The following AHCTF1 variants were observed in gnomAD, a reference collection of about 807,000 sequenced individuals.
AHCTF1 encodes the protein protein ELYS.
A neutral mutation model predicts 248.4 loss-of-function variants in AHCTF1; 24 were observed. The observed-to-expected ratio is 0.10, with a 90% confidence interval of 0.07 to 0.14. The LOEUF is 0.14. Among genes scored for constraint, AHCTF1 ranks in the 10% least tolerant of loss-of-function variants. The pLI is 1.00. For missense variants in AHCTF1, 2,206 were observed against 2,636.2 expected (o/e 0.84, Z 3.57); for synonymous variants, 786 against 929.8 (o/e 0.85, Z 2.81).
intron 1 of AHCTF1, among the ~76,000 whole-genome samples, chr1:246,922,967 A>G (rs1475586049): frequency 1.7e-4 from 21 of 125,742 alleles, no homozygotes; most frequent in South Asian, 8.0e-4. Context: ...TGGGCGACAG[A>G]GCGAGACTCT....
chr1:246,854,159 C>G (rs558759040), intron 31 of AHCTF1, among the ~76,000 whole-genome samples: 1 of 151,908 alleles, frequency 6.6e-6, no homozygotes, highest in Non-Finnish European at 1.5e-5. Flanking sequence ...ATTAGCCAGG[C>G]GTGGTGGCGG....
In AHCTF1 at chr1:246,868,996, C is replaced by T. The variant is rs565931696; in HGVS notation, c.3089-1185G>A. Among the ~76,000 whole-genome samples the T allele has an allele frequency of 2.1e-4, 31 of 151,178 alleles. No individual in the cohort carries two copies. In the East Asian group the frequency reaches 3.9e-3, roughly 19 times the overall value. On this transcript the variant is annotated intron_variant, in intron 24 of 35. Transcript: ENST00000648844. The stretch of plus-strand genomic sequence containing the variant: ...AGTAGCTGGGACTACAGGCGCCCGC[C>T]ACCATGCCTGGCTAACTTTTTCTAT...
chr1:246,850,262 T>G lies in AHCTF1; in HGVS notation c.5744A>C (p.Glu1915Ala), dbSNP rs957119331. ...KLRSTNLDAS[E>A]NTGNKQDDKS... ...ATCATCTTGCTTATTTCCTGTATTT[T>G]CAGAAGCATCTAAATTAGTACTTCT... is the stretch of plus-strand genomic sequence containing the variant. The change falls in exon 33 of 36, where the codon GAA (glutamate) becomes GCA (alanine). Residue 1915 changes from glutamate (E) to alanine (A), a missense_variant. By Grantham distance (107) the Glu-to-Ala change is moderately radical. Transcript: ENST00000648844. The G allele has an allele frequency of 6.2e-7, 1 of 1,613,864 alleles. No individual in the cohort carries two copies. Among genetic ancestry groups the G allele is most frequent in the African/African-American group, 1.3e-5 (1 of 74,926 alleles).
chr1:246,901,925 T>C (rs1490486568), intron 8 of AHCTF1, among the ~76,000 whole-genome samples: 1 of 152,192 alleles, frequency 6.6e-6, no homozygotes, highest in Non-Finnish European at 1.5e-5. Flanking sequence ...GGATCAGAAA[T>C]ACAGATACAG....
At chr1:246,919,985 A>G (rs1235023287) in intron 1 of AHCTF1, among the ~76,000 whole-genome samples, 1 of 151,658 alleles carries the variant, frequency 6.6e-6, no homozygotes, top group Non-Finnish European at 1.5e-5. Context: ...CTAAAAATAC[A>G]AAAATAAATT....
intron 29 of AHCTF1, among the ~76,000 whole-genome samples, chr1:246,859,200 CATCTT>C (rs1005247250): frequency 2.0e-4 from 31 of 152,340 alleles, no homozygotes; most frequent in African/African-American, 7.0e-4. Context: ...AGTGGACTCT[CATCTT>C]AAACTACTTA....
At chr1:246,845,963 A>G (rs1345233666) in intron 33 of AHCTF1, among the ~76,000 whole-genome samples, 1 of 141,168 alleles carries the variant, frequency 7.1e-6, no homozygotes, top group Non-Finnish European at 1.6e-5. Context: ...AGAACAACAC[A>G]TCTTACTTAT....
Position 246,840,222 on chromosome 1 carries a change from A to G in AHCTF1, c.*584T>C, listed in dbSNP as rs1309390500. 6.6e-6 allele frequency: 1 copy of G among 152,652 alleles called. No homozygotes were observed. The highest frequency in any genetic ancestry group is 2.4e-5 in the African/African-American group (1 of 41,456). 9.5% of individuals were successfully genotyped at this position (152,652 alleles called of 1,614,324 possible). ...GAGATGCCAACATTATAGTTAACCAATACTTGGATTATTCATTTGAGGTAG... is the reference window on the plus strand; with the variant it reads ...GAGATGCCAACATTATAGTTAACCAGTACTTGGATTATTCATTTGAGGTAG... On this transcript the variant is annotated 3_prime_UTR_variant, in exon 36 of 36. Coordinates refer to ENST00000648844, the MANE Select transcript of AHCTF1 (RefSeq NM_001323342.2).
At chr1:246,844,805 CTT>C (rs11370838) in intron 33 of AHCTF1, among the ~76,000 whole-genome samples, 71 of 141,804 alleles carry the variant, frequency 5.0e-4, no homozygotes, top group Middle Eastern at 3.7e-3. Flanking sequence ...ACCACACAGA[CTT>C]TTTTTTTTTT....
intron 1 of AHCTF1, among the ~76,000 whole-genome samples, chr1:246,925,939 C>T (rs7537256): frequency 0.026 from 4,009 of 151,786 alleles, 181 homozygotes; most frequent in African/African-American, 0.093. Context: ...GTGGCGCCTG[C>T]CTGTAGTCCC....
chr1:246,843,853 G>A lies in AHCTF1; in HGVS notation c.6467C>T (p.Pro2156Leu). 1 of 1,511,956 alleles carries A rather than the reference G, an allele frequency of 6.6e-7. No homozygotes were observed. Among genetic ancestry groups the A allele is most frequent in the Non-Finnish European group, 8.8e-7 (1 of 1,130,762 alleles). The allele number at this position is 1,511,956 out of a possible 1,614,324, so 93.7% of individuals were successfully genotyped here. A position where few individuals can be genotyped will look rare whatever the true frequency, so the allele number is the denominator to read the frequency against. Residue 2156 changes from proline to leucine, a missense_variant, in exon 34 of 36, where the codon CCT becomes CTT. This residue lies in a region of AHCTF1 where 469 missense variants were observed against 470.0 expected (regional missense o/e 1.00). Transcript: ENST00000648844. ...GTTTTTTTGTCTGCTCCTTAAAGCAGGAGGTGAGATGACAAACTGAGAAGA... is the reference window on the plus strand; with the variant it reads ...GTTTTTTTGTCTGCTCCTTAAAGCAAGAGGTGAGATGACAAACTGAGAAGA... The part of the protein sequence containing the change: ...DLSSQFVISP[P>L]ALRSRQKNTS...
chr1:246,925,013 G>GA (rs1666832648), intron 1 of AHCTF1, among the ~76,000 whole-genome samples: 1 of 152,110 alleles, frequency 6.6e-6, no homozygotes, highest in South Asian at 2.1e-4. Context: ...AATTTTTAGA[G>GA]AAACAGATGG....
At chr1:246,849,548 A>T in intron 33 of AHCTF1, 67 bp downstream of exon 33, 1 of 1,522,790 alleles carries the variant, frequency 6.6e-7, no homozygotes, top group Non-Finnish European at 8.8e-7. Context: ...TTTTTAGGAC[A>T]AATAACCAAA....
intron 27 of AHCTF1, 34 bp from the exon 28 acceptor site, chr1:246,862,187 A>G (rs770269173): frequency 4.5e-6 from 7 of 1,561,816 alleles, no homozygotes; most frequent in Non-Finnish European, 6.1e-6. Context: ...TACACCATTA[A>G]AAGTGCTTAT....
chr1:246,859,719 G>A (rs1316318827), intron 29 of AHCTF1, among the ~76,000 whole-genome samples: 1 of 152,092 alleles, frequency 6.6e-6, no homozygotes, highest in Non-Finnish European at 1.5e-5. Context: ...AGGAATACAA[G>A]TGCATGCTAT....
At chr1:246,864,151 G>GA (rs1558226019) in intron 26 of AHCTF1, 35 bp from the exon 27 acceptor site, 3 of 1,583,912 alleles carry the variant, frequency 1.9e-6, no homozygotes, top group East Asian at 2.2e-5. Flanking sequence ...GAGTTATACT[G>GA]AAAAAACAAA....
In AHCTF1 at chr1:246,851,345, T is replaced by C. The variant is rs138061071; in HGVS notation, c.4661A>G (p.Gln1554Arg). 500 of 1,614,022 alleles carry C rather than the reference T, an allele frequency of 3.1e-4. No homozygotes were observed. The highest frequency in any genetic ancestry group is 5.7e-4 in the Admixed American group (34 of 60,006). ...TTGGTCAATAGTATCAAAATTGTAC[T>C]GAAGCTTAAGTGTTCCAGAGGGATA... ...ELYPSGTLKL[Q>R]YNFDTIDQQF... The change falls in exon 33 of 36, where the codon CAG becomes CGG. Residue 1554 changes from glutamine to arginine, a missense_variant. By Grantham distance (43) the Gln-to-Arg change is conservative (BLOSUM62 1). Coordinates refer to ENST00000648844, the MANE Select transcript of AHCTF1 (RefSeq NM_001323342.2).
intron 1 of AHCTF1, among the ~76,000 whole-genome samples, chr1:246,928,464 G>C (rs1358629783): frequency 6.6e-6 from 1 of 152,034 alleles, no homozygotes; most frequent in African/African-American, 2.4e-5. Flanking sequence ...AGGATAACAG[G>C]ATACTGTATA....
At chr1:246,903,156 C>T (rs552259591) in intron 7 of AHCTF1, among the ~76,000 whole-genome samples, 3 of 152,196 alleles carry the variant, frequency 2.0e-5, no homozygotes, top group Non-Finnish European at 4.4e-5. Flanking sequence ...TTTCTATACG[C>T]CTCCAACATT....
Sources: allele counts gnomAD v4.1 joint callset (sites outside exome capture counted in the v4.1 genomes callset), GRCh38; gene constraint gnomAD v4.1.1; regional missense constraint gnomAD v4.1.1; transcripts MANE v1.5; gene names NCBI Gene and HGNC (gene_info 2026-07-23, HGNC 2026-07-21).